The following OR51C1 variants were observed in gnomAD, a reference collection of about 807,000 sequenced individuals.
The protein encoded by OR51C1 is olfactory receptor OR51C1.
At chr11:4,692,168 T>G in the OR51C1 span, 1 of 452,980 alleles carries the variant, frequency 2.2e-6, no homozygotes, top group South Asian at 1.6e-5. Flanking sequence ...TGGTCATAAG[T>G]GTGGAAAGCA....
chr11:4,690,623 C>A, the OR51C1 span: 2 of 293,054 alleles, frequency 6.8e-6, no homozygotes, highest in Non-Finnish European at 1.3e-5. Flanking sequence ...AGATACATTC[C>A]AGCTTTAACT....
chr11:4,692,425 C>T, the OR51C1 span, among the ~76,000 whole-genome samples: 690 of 152,378 alleles, frequency 4.5e-3, 8 homozygotes, highest in Non-Finnish European at 4.3e-3. Context: ...ACACAGTTCT[C>T]TCTTCAGTCT....
chr11:4,697,529 C>A, the OR51C1 span: 1 of 152,648 alleles, frequency 6.6e-6, no homozygotes, highest in East Asian at 1.9e-4. Flanking sequence ...TACCGTCCTC[C>A]TCAGCCCACC....
the OR51C1 span, among the ~76,000 whole-genome samples, chr11:4,692,874 G>T: frequency 6.6e-6 from 1 of 151,236 alleles, no homozygotes; most frequent in African/African-American, 2.4e-5. Flanking sequence ...GGGGGTGGGG[G>T]TGTGATTTAA....
the OR51C1 span, among the ~76,000 whole-genome samples, chr11:4,694,990 GA>G: frequency 1.3e-5 from 2 of 152,142 alleles, no homozygotes; most frequent in Non-Finnish European, 2.9e-5. Context: ...GGAGAGACAT[GA>G]ATGAAAGAAT....
At chr11:4,694,488 G>A in the OR51C1 span, among the ~76,000 whole-genome samples, 11 of 141,920 alleles carry the variant, frequency 7.8e-5, no homozygotes, top group African/African-American at 2.8e-4. Context: ...ATATATACGT[G>A]TATATATATA....
the OR51C1 span, among the ~76,000 whole-genome samples, chr11:4,695,817 T>C: frequency 6.6e-6 from 1 of 152,124 alleles, no homozygotes; most frequent in Non-Finnish European, 1.5e-5. Flanking sequence ...TTTTGTTCTC[T>C]GCCTTATAAA....
the OR51C1 span, among the ~76,000 whole-genome samples, chr11:4,695,300 T>C: frequency 1.3e-5 from 2 of 152,234 alleles, no homozygotes; most frequent in African/African-American, 4.8e-5. Context: ...CCCTCTTTAG[T>C]ATCTTGTTTA....
the OR51C1 span, among the ~76,000 whole-genome samples, chr11:4,696,559 T>TTAAGTGTTTATATTAAGTATATA: frequency 6.6e-6 from 1 of 152,178 alleles, no homozygotes; most frequent in Non-Finnish European, 1.5e-5. Context: ...TGAAAAAATC[T>TTAAGTGTTTATATTAAGTATATA]TAAGTGTTTA....
At chr11:4,693,606 A>C in the OR51C1 span, among the ~76,000 whole-genome samples, 1 of 152,290 alleles carries the variant, frequency 6.6e-6, no homozygotes, top group East Asian at 1.9e-4. Flanking sequence ...CTGTAGTTCC[A>C]GCTACTGGGG....
the OR51C1 span, among the ~76,000 whole-genome samples, chr11:4,694,794 G>A: frequency 2.0e-5 from 3 of 152,150 alleles, no homozygotes; most frequent in Non-Finnish European, 4.4e-5. Context: ...AGAGATAATA[G>A]TGTGGAGTGG....
the OR51C1 span, chr11:4,691,029 C>T: frequency 2.2e-6 from 1 of 456,348 alleles, no homozygotes; most frequent in Non-Finnish European, 4.4e-6. Flanking sequence ...AAGGACAGTC[C>T]TAATGATCAA....
chr11:4,695,961 A>G, the OR51C1 span, among the ~76,000 whole-genome samples: 2 of 152,154 alleles, frequency 1.3e-5, no homozygotes, highest in Non-Finnish European at 2.9e-5. Context: ...AGACTCATAA[A>G]TCTGCAATCT....
At chr11:4,695,591 G>T in the OR51C1 span, among the ~76,000 whole-genome samples, 1 of 152,056 alleles carries the variant, frequency 6.6e-6, no homozygotes, top group African/African-American at 2.4e-5. Context: ...GTAACAATCT[G>T]AATTCTTTCC....
chr11:4,693,259 T>A, the OR51C1 span, among the ~76,000 whole-genome samples: 1 of 152,274 alleles, frequency 6.6e-6, no homozygotes, highest in East Asian at 1.9e-4. Flanking sequence ...TAAGATAAAA[T>A]GATTTTGAAA....
At chr11:4,692,260 C>A in the OR51C1 span, 1 of 362,616 alleles carries the variant, frequency 2.8e-6, no homozygotes, top group South Asian at 2.2e-5. Flanking sequence ...TAGGAAGTGA[C>A]AAATAAATGG....
At chr11:4,691,828 C>T in the OR51C1 span, 4 of 289,098 alleles carry the variant, frequency 1.4e-5, no homozygotes, top group African/African-American at 4.4e-5. Context: ...TAATATGAAA[C>T]TATGAATGGC....
At chr11:4,693,656 G>T in the OR51C1 span, among the ~76,000 whole-genome samples, 1 of 152,126 alleles carries the variant, frequency 6.6e-6, no homozygotes, top group African/African-American at 2.4e-5. Context: ...GGAAGGCGGA[G>T]CTTCCAGGTG....
At chr11:4,692,532 G>T in the OR51C1 span, among the ~76,000 whole-genome samples, 2 of 152,162 alleles carry the variant, frequency 1.3e-5, no homozygotes, top group African/African-American at 4.8e-5. Flanking sequence ...TGTTTCGGAG[G>T]GAAAAATATA....
Sources: allele counts gnomAD v4.1 joint callset (sites outside exome capture counted in the v4.1 genomes callset), GRCh38; gene constraint gnomAD v4.1.1; transcripts MANE v1.5; gene names NCBI Gene and HGNC (gene_info 2026-07-23, HGNC 2026-07-21).